The following TMTC1 variants were observed in gnomAD, a reference collection of about 807,000 sequenced individuals.
TMTC1 encodes protein O-mannosyl-transferase TMTC1.
Under a neutral mutation model 104.8 loss-of-function variants are expected in TMTC1, and 73 were observed. The ratio of observed to expected loss-of-function variants is 0.70; its 90% CI spans 0.58 to 0.85. The LOEUF (loss-of-function observed/expected upper bound fraction) is 0.85, where lower values mean the gene tolerates loss of function less well. Ranked by LOEUF, TMTC1 falls within the 40% of genes least tolerant of loss-of-function variation. The pLI, the probability that TMTC1 is intolerant of heterozygous loss-of-function variation, is 0.00. For missense variants in TMTC1, 1,035 were observed against 1,096.1 expected (o/e 0.94, Z 0.79); for synonymous variants, 434 against 428.7 (o/e 1.01, Z -0.15).
chr12:29,749,736 A>G (rs1441194426), intron 5 of TMTC1, among the ~76,000 whole-genome samples: 1 of 151,662 alleles, frequency 6.6e-6, no homozygotes, highest in East Asian at 1.9e-4. Flanking sequence ...TACTCCCCTA[A>G]TTTTTCCACT....
intron 6 of TMTC1, among the ~76,000 whole-genome samples, chr12:29,631,774 G>A (rs985306331): frequency 6.6e-6 from 1 of 152,106 alleles, no homozygotes; most frequent in Non-Finnish European, 1.5e-5. Flanking sequence ...GACTCAAACT[G>A]GAAAATCTGT....
chr12:29,783,494 G>A lies in TMTC1; in HGVS notation c.258C>T (p.Asn86=), dbSNP rs892007976. Residue 86 remains asparagine, a synonymous_variant, in exon 1 of 18, where the codon AAC becomes AAT. Transcript: ENST00000539277. The surrounding 1 kb of genome is among the most constrained non-coding windows in gnomAD (Gnocchi z 4.7). The part of the protein sequence containing the change: ...NDFWGKGMAE[N]TSHKSYRPLC... ...GCGGCCGGTAGGACTTGTGGCTGGT[G>A]TTCTCGGCCATGCCCTTGCCCCAGA... 1.3e-5 allele frequency: 18 copies of A among 1,401,164 alleles called. No homozygotes were observed. In the African/African-American group the frequency reaches 2.7e-4, roughly 21 times the overall value. The allele number at this position is 1,401,164 out of a possible 1,614,324, so 86.8% of individuals were successfully genotyped here. A position where few individuals can be genotyped will look rare whatever the true frequency, so the allele number is the denominator to read the frequency against.
chr12:29,506,810 C>A lies in TMTC1; in HGVS notation c.*36G>T. The A allele has an allele frequency of 6.2e-7, 1 of 1,612,674 alleles. No homozygotes were observed. The highest frequency in any genetic ancestry group is 2.2e-5 in the East Asian group (1 of 44,854). On this transcript the variant is annotated 3_prime_UTR_variant, in exon 18 of 18. Coordinates refer to ENST00000539277, the MANE Select transcript of TMTC1 (RefSeq NM_001193451.2). Reference sequence around the variant, plus strand: ...TTCCATCACTCCCCTTTCAGAGGCACCACATTATCCTATGAGGTTGGGTCA... The same window carrying A: ...TTCCATCACTCCCCTTTCAGAGGCAACACATTATCCTATGAGGTTGGGTCA...
intron 9 of TMTC1, among the ~76,000 whole-genome samples, chr12:29,562,207 C>T (rs533343820): frequency 6.6e-6 from 1 of 152,206 alleles, no homozygotes; most frequent in African/African-American, 2.4e-5. Flanking sequence ...TTACCACTTT[C>T]ATCTTGCACC....
intron 5 of TMTC1, among the ~76,000 whole-genome samples, chr12:29,678,627 G>T (rs544466572): frequency 1.3e-5 from 2 of 152,294 alleles, no homozygotes; most frequent in South Asian, 4.2e-4. Context: ...TCTACTGTGT[G>T]TGAGCCACTG....
At chr12:29,721,257 A>G (rs1475371225) in intron 5 of TMTC1, among the ~76,000 whole-genome samples, 1 of 152,138 alleles carries the variant, frequency 6.6e-6, no homozygotes, top group African/African-American at 2.4e-5. Flanking sequence ...ATAATAGGAT[A>G]TATGTCATGA....
At chr12:29,535,775 C>T (rs1437405770) in intron 11 of TMTC1, 1 of 163,600 alleles carries the variant, frequency 6.1e-6, no homozygotes, top group Non-Finnish European at 1.3e-5. Context: ...AAAAACTATT[C>T]TCTTAGGAGC....
At chr12:29,776,063 G>A (rs1943700051) in intron 1 of TMTC1, among the ~76,000 whole-genome samples, 1 of 152,168 alleles carries the variant, frequency 6.6e-6, no homozygotes, top group Non-Finnish European at 1.5e-5. Context: ...TACTCCATTT[G>A]ATCCAACAAG....
rs1462598640 is a variant in TMTC1 at position 29,604,266 on chromosome 12, A to G, written c.1162T>C (p.Leu388=). 6.2e-7 allele frequency: 1 copy of G among 1,613,936 alleles called. No homozygotes were observed. The highest frequency in any genetic ancestry group is 1.3e-5 in the African/African-American group (1 of 74,938). ...GGAATGAACGGGAACACCAGGAACA[A>G]CAAGCCGACTAAAACCTCCTTGTGC... The part of the protein sequence containing the change: ...LEHKEVLVGL[L]FLVFPFIPAS... The change falls in exon 7 of 18, where the codon TTG becomes CTG. Residue 388 remains leucine (L), a synonymous_variant. Coordinates refer to ENST00000539277, the MANE Select transcript of TMTC1 (RefSeq NM_001193451.2).
chr12:29,583,685 A>C, intron 7 of TMTC1, 111 bp from the exon 8 acceptor site: 3 of 914,392 alleles, frequency 3.3e-6, no homozygotes, highest in Non-Finnish European at 4.8e-6. Context: ...GTGCTAGAGA[A>C]ACAAATAGAA....
intron 6 of TMTC1, among the ~76,000 whole-genome samples, chr12:29,619,035 T>G (rs919300652): frequency 1.3e-5 from 2 of 152,138 alleles, no homozygotes; most frequent in African/African-American, 4.8e-5. Flanking sequence ...AGTAATAATA[T>G]AGACTATGAA....
intron 2 of TMTC1, among the ~76,000 whole-genome samples, chr12:29,766,743 G>A (rs976147679): frequency 3.3e-5 from 5 of 152,042 alleles, no homozygotes; most frequent in East Asian, 1.9e-4. Flanking sequence ...TCAGGGAAGC[G>A]TCCAAAGAGA....
chr12:29,550,739 C>T (rs532055421), intron 10 of TMTC1, among the ~76,000 whole-genome samples: 11 of 152,046 alleles, frequency 7.2e-5, no homozygotes, highest in African/African-American at 1.9e-4. Flanking sequence ...TGCTGAAGAG[C>T]GCAGCATAGT....
intron 5 of TMTC1, among the ~76,000 whole-genome samples, chr12:29,663,864 C>T (rs1487548732): frequency 6.6e-6 from 1 of 152,064 alleles, no homozygotes; most frequent in Non-Finnish European, 1.5e-5. Context: ...ATGGCTATTT[C>T]ACTGAGTCAT....
At chr12:29,694,021 C>T (rs1333205516) in intron 5 of TMTC1, among the ~76,000 whole-genome samples, 1 of 152,124 alleles carries the variant, frequency 6.6e-6, no homozygotes, top group African/African-American at 2.4e-5. Context: ...GATTATTTTA[C>T]ATAAATGCTT....
intron 1 of TMTC1, among the ~76,000 whole-genome samples, chr12:29,773,458 G>T (rs1028756630): frequency 2.0e-5 from 3 of 152,058 alleles, no homozygotes; most frequent in Admixed American, 2.0e-4. Context: ...GTCTGTATTT[G>T]TGAAACAGAG....
At chr12:29,547,663 T>C (rs1298231076) in intron 10 of TMTC1, among the ~76,000 whole-genome samples, 1 of 152,168 alleles carries the variant, frequency 6.6e-6, no homozygotes, top group Non-Finnish European at 1.5e-5. Flanking sequence ...CATTGACAAA[T>C]GGCCAATCTG....
chr12:29,546,573 T>C (rs1944947873), intron 10 of TMTC1, among the ~76,000 whole-genome samples: 1 of 152,150 alleles, frequency 6.6e-6, no homozygotes, highest in South Asian at 2.1e-4. Flanking sequence ...CATTTTTAGA[T>C]TTAAAAGCCT....
At position 29,769,103 on chromosome 12, in the gene TMTC1, A is replaced by G. The variant is rs183965104; in HGVS notation, c.303-1028T>C. Reference sequence around the variant, plus strand: ...CTTATAGAAACAGCTCTTCTTTGCCAAAACAACTAAGAATGAAAAAGTCAG... The same window carrying G: ...CTTATAGAAACAGCTCTTCTTTGCCGAAACAACTAAGAATGAAAAAGTCAG... On this transcript the variant is annotated intron_variant, in intron 1 of 17. Coordinates refer to ENST00000539277, the MANE Select transcript of TMTC1 (RefSeq NM_001193451.2). 2.2e-3 allele frequency among the ~76,000 whole-genome samples: 331 copies of G among 152,302 alleles called. 1 individual carries two copies. Among genetic ancestry groups the G allele is most frequent in the African/African-American group, 6.7e-3 (278 of 41,572 alleles).
Sources: gnomAD v4.1 joint callset for allele counts (sites outside exome capture counted in the v4.1 genomes callset) on GRCh38, gnomAD v4.1.1 for gene constraint, Gnocchi (gnomAD v3.1) non-coding constraint, MANE v1.5 for transcripts, NCBI Gene and HGNC (gene_info 2026-07-23, HGNC 2026-07-21) for gene names.